The following ANKRD44 variants were observed in gnomAD, a reference collection of about 807,000 sequenced individuals.
The protein encoded by ANKRD44 is ankyrin repeat domain 44.
In ANKRD44, 35 loss-of-function variants were observed where a neutral mutation model predicts 116.0. The observed-to-expected ratio is 0.30, with a 90% confidence interval of 0.23 to 0.40. The LOEUF is 0.40. Ranked by LOEUF, ANKRD44 falls within the 10% of genes least tolerant of loss-of-function variation. The pLI is 1.00. For synonymous variants in ANKRD44, 435 were observed against 461.8 expected, an observed-to-expected ratio of 0.94 and a Z score of 0.74; for missense variants, 1,014 against 1,242.6, an observed-to-expected ratio of 0.82 and a Z score of 2.77.
intron 17 of ANKRD44, among the ~76,000 whole-genome samples, chr2:197,016,456 A>G (rs2076395258): frequency 6.6e-6 from 1 of 152,134 alleles, no homozygotes; most frequent in African/African-American, 2.4e-5. Flanking sequence ...GCAGTTTTGA[A>G]GGTGTTTCCT....
chr2:197,099,654 T>C, intron 10 of ANKRD44, 162 bp downstream of exon 10: 1 of 1,325,164 alleles, frequency 7.5e-7, no homozygotes, highest in East Asian at 2.8e-5. Flanking sequence ...GCCTCTGTCA[T>C]TAAAAGGCAC....
At chr2:197,196,933 C>A (rs979480248) in intron 1 of ANKRD44, among the ~76,000 whole-genome samples, 4 of 152,008 alleles carry the variant, frequency 2.6e-5, no homozygotes, top group African/African-American at 9.7e-5. Context: ...ATGTGTAAAA[C>A]GGAGTCACCT....
chr2:197,254,254 G>A (rs1420049653), intron 1 of ANKRD44, among the ~76,000 whole-genome samples: 1 of 152,086 alleles, frequency 6.6e-6, no homozygotes, highest in Non-Finnish European at 1.5e-5. Context: ...TTAGCCGGGC[G>A]TGGCGGTGGG....
chr2:197,088,896 A>G (rs1252969010), intron 11 of ANKRD44, 122 bp from the exon 12 acceptor site: 5 of 1,040,774 alleles, frequency 4.8e-6, no homozygotes, highest in Non-Finnish European at 6.8e-6. Flanking sequence ...GAATGCAAGC[A>G]ATTGTAGTCA....
chr2:197,228,180 A>G (rs1294320400), intron 1 of ANKRD44, among the ~76,000 whole-genome samples: 2 of 152,242 alleles, frequency 1.3e-5, no homozygotes, highest in African/African-American at 4.8e-5. Context: ...AGATAATTAC[A>G]TAAAGAGCTT....
At chr2:197,115,481 C>A (rs2078686589) in intron 8 of ANKRD44, among the ~76,000 whole-genome samples, 1 of 152,112 alleles carries the variant, frequency 6.6e-6, no homozygotes. Flanking sequence ...AAAAACAGGA[C>A]CAGAGTCAAT....
At chr2:197,168,996 C>T (rs758758474) in intron 2 of ANKRD44, among the ~76,000 whole-genome samples, 1 of 152,202 alleles carries the variant, frequency 6.6e-6, no homozygotes, top group Non-Finnish European at 1.5e-5. Flanking sequence ...AAAATATTCT[C>T]CAGAACATTG....
intron 16 of ANKRD44, among the ~76,000 whole-genome samples, chr2:197,070,107 G>A (rs1437222150): frequency 6.6e-6 from 1 of 152,126 alleles, no homozygotes; most frequent in Non-Finnish European, 1.5e-5. Context: ...TTGTGACCTT[G>A]ATGAACTCAC....
chr2:197,025,156 T>C, intron 17 of ANKRD44, 40 bp downstream of exon 17: 1 of 1,580,250 alleles, frequency 6.3e-7, no homozygotes, highest in Non-Finnish European at 8.7e-7. Flanking sequence ...GCTTAGGTTG[T>C]TTTTGTAACA....
rs1016523696 is a variant in ANKRD44 at position 197,273,995 on chromosome 2, A to C, written c.27+36583T>G. On this transcript the variant is annotated intron_variant, in intron 1 of 27. Transcript: ENST00000282272. ...AAAAAAAAAAAATATATATATATAT[A>C]TATATATATATATATATATATATAT... Among the ~76,000 whole-genome samples the C allele has an allele frequency of 7.0e-4, 21 of 29,946 alleles. 2 individuals carry two copies. Among genetic ancestry groups the C allele is most frequent in the South Asian group, 1.3e-3 (1 of 754 alleles). The allele number at this position is 29,946 out of a possible 152,430, so 19.6% of individuals were successfully genotyped here.
intron 16 of ANKRD44, among the ~76,000 whole-genome samples, chr2:197,074,481 T>C (rs1330706156): frequency 6.6e-6 from 1 of 152,160 alleles, no homozygotes; most frequent in Non-Finnish European, 1.5e-5. Context: ...GTCCATATTA[T>C]TTTTCTAAGA....
chr2:197,162,211 C>T (rs190497033), intron 2 of ANKRD44, among the ~76,000 whole-genome samples: 4 of 152,328 alleles, frequency 2.6e-5, no homozygotes, highest in African/African-American at 9.6e-5. Context: ...ACTTCACCCC[C>T]AAGATGATAT....
chr2:196,990,820 C>T, intron 27 of ANKRD44: 1 of 1,232,270 alleles, frequency 8.1e-7, no homozygotes, highest in Admixed American at 4.2e-5. Flanking sequence ...ACGAAGTTGA[C>T]AGCCATCATT....
At chr2:196,974,831 A>G (rs181337695) in intron 21 of ANKRD44, among the ~76,000 whole-genome samples, 182 of 151,966 alleles carry the variant, frequency 1.2e-3, no homozygotes, top group Middle Eastern at 3.4e-3. Flanking sequence ...CAGAGGTTGC[A>G]GTGAGCTGAG....
At chr2:197,298,175 C>T (rs527251176) in intron 1 of ANKRD44, among the ~76,000 whole-genome samples, 1 of 152,312 alleles carries the variant, frequency 6.6e-6, no homozygotes, top group South Asian at 2.1e-4. Flanking sequence ...GAATTGAGAC[C>T]TTGTAACTGT....
rs2076186681 is a variant in ANKRD44 at position 197,005,554 on chromosome 2, T to A, written c.2347+140A>T. ...AGAACTATTAAAAAAACAAACAAAA[T>A]ACACAAAAAAGATATCTTGGATGCA... On this transcript the variant is annotated intron_variant, in intron 21 of 27. Coordinates refer to ENST00000282272, the MANE Select transcript of ANKRD44 (RefSeq NM_001195144.2). 3 of 793,338 alleles carry A rather than the reference T, an allele frequency of 3.8e-6. No homozygotes were observed. The South Asian group carries it at 5.6e-5, about 15-fold the overall frequency. 49.1% of individuals were successfully genotyped at this position (793,338 alleles called of 1,614,324 possible).
intron 3 of ANKRD44, among the ~76,000 whole-genome samples, chr2:197,146,680 T>C (rs1308149459): frequency 6.6e-6 from 1 of 152,070 alleles, no homozygotes; most frequent in East Asian, 1.9e-4. Context: ...ATACATAGTG[T>C]GTATAGGTGT....
chr2:197,112,945 A>G (rs2078623992), intron 8 of ANKRD44, among the ~76,000 whole-genome samples: 2 of 150,044 alleles, frequency 1.3e-5, no homozygotes, highest in South Asian at 4.2e-4. Context: ...AGTCTGTGCC[A>G]AGAAAAAAAA....
chr2:197,108,868 C>CAA (rs1278191964), intron 9 of ANKRD44, among the ~76,000 whole-genome samples: 4 of 80,224 alleles, frequency 5.0e-5, no homozygotes, highest in African/African-American at 1.9e-4. Flanking sequence ...ACAACAACAA[C>CAA]AACAAAAACA....
Sources: allele counts gnomAD v4.1 joint callset (sites outside exome capture counted in the v4.1 genomes callset), GRCh38; gene constraint gnomAD v4.1.1; transcripts MANE v1.5; gene names NCBI Gene and HGNC (gene_info 2026-07-23, HGNC 2026-07-21).